SLC5A11: variants seen among roughly 807,000 people sequenced by gnomAD.
SLC5A11 encodes the protein solute carrier family 5 member 11, also known as sodium/myo-inositol cotransporter 2.
Under a neutral mutation model 69.8 loss-of-function variants are expected in SLC5A11, and 48 were observed. The ratio of observed to expected loss-of-function variants is 0.69; its 90% CI spans 0.55 to 0.87. The LOEUF is 0.87. Ranked by LOEUF, SLC5A11 falls within the 40% of genes least tolerant of loss-of-function variation. The pLI is 0.00. For synonymous variants in SLC5A11, 319 were observed against 342.4 expected (o/e 0.93, Z 0.75); for missense variants, 784 against 866.1 (o/e 0.91, Z 1.19).
intron 9 of SLC5A11, among the ~76,000 whole-genome samples, chr16:24,892,135 G>A (rs989666010): frequency 1.3e-5 from 2 of 151,916 alleles, no homozygotes; most frequent in African/African-American, 2.4e-5. Flanking sequence ...GCTGAGGTGG[G>A]AGGATTGCTG....
At chr16:24,849,503 G>T (rs1057088628) in intron 1 of SLC5A11, among the ~76,000 whole-genome samples, 1 of 145,996 alleles carries the variant, frequency 6.8e-6, no homozygotes, top group Non-Finnish European at 1.5e-5. Context: ...GGAGGCAGAG[G>T]TTGCAGTGAG....
Position 24,862,673 on chromosome 16 carries a change from G to A in SLC5A11, c.207+1G>A. ...TGGAGGGGACATGGTGTGGTGGCCA[G>A]TAAGTGGTCTTTGGTTCAATTAAAG... On this transcript the variant is annotated splice_donor_variant, in intron 3 of 15. Coordinates refer to ENST00000347898, the Ensembl canonical transcript of SLC5A11. LOFTEE classifies it high-confidence loss of function. 1 of 1,613,042 alleles carries A rather than the reference G, an allele frequency of 6.2e-7. No homozygotes were observed. The highest frequency in any genetic ancestry group is 8.5e-7 in the Non-Finnish European group (1 of 1,179,444).
At chr16:24,907,997 C>A in exon 13 of SLC5A11, 1 of 1,614,096 alleles carries the variant, frequency 6.2e-7, no homozygotes, top group South Asian at 1.1e-5. Flanking sequence ...GGTCTCCATC[C>A]TCTGGATCCC....
intron 1 of SLC5A11, among the ~76,000 whole-genome samples, chr16:24,849,588 AAAAAAATATATAT>A (rs1162997101): frequency 1.0e-5 from 1 of 99,552 alleles, no homozygotes; most frequent in Non-Finnish European, 2.0e-5. Flanking sequence ...AAAAAAAAAA[AAAAAAATATATAT>A]ATATATATAT....
intron 10 of SLC5A11, 50 bp from the exon 12 acceptor site, chr16:24,906,607 G>GGCA (rs1322329123): frequency 5.4e-6 from 7 of 1,291,998 alleles, no homozygotes; most frequent in Non-Finnish European, 6.5e-6. Context: ...CCTGGGCCTG[G>GGCA]GGCTCTGGGG....
At chr16:24,872,024 G>A in intron 4 of SLC5A11, 136 bp from the exon 6 acceptor site, 1 of 970,386 alleles carries the variant, frequency 1.0e-6, no homozygotes, top group Non-Finnish European at 1.7e-6. Flanking sequence ...GGCCAGCACA[G>A]GTGAACCACT....
At chr16:24,891,041 C>T (rs200548569) in exon 9 of SLC5A11, 64 of 1,614,046 alleles carry the variant, frequency 4.0e-5, no homozygotes, top group Non-Finnish European at 5.1e-5. Flanking sequence ...TTGGAATGTC[C>T]ATCCCATCCC....
exon 9 of SLC5A11, chr16:24,890,909 G>A: frequency 6.2e-7 from 1 of 1,614,200 alleles, no homozygotes; most frequent in Non-Finnish European, 8.5e-7. Context: ...TGAAGGAGAA[G>A]TACTTCTTGG....
chr16:24,875,044 G>T (rs1405335514), intron 5 of SLC5A11, among the ~76,000 whole-genome samples: 1 of 152,114 alleles, frequency 6.6e-6, no homozygotes, highest in African/African-American at 2.4e-5. Flanking sequence ...TAGAGATGTT[G>T]CCCAGGCTGG....
intron 1 of SLC5A11, among the ~76,000 whole-genome samples, chr16:24,849,593 A>AAAAAAAAAAATATATATATATATATATAT: frequency 2.8e-5 from 1 of 35,922 alleles, no homozygotes; most frequent in Non-Finnish European, 5.6e-5. Flanking sequence ...AAAAAAAAAA[A>AAAAAAAAAAATATATATATATATATATAT]ATATATATAT....
intron 1 of SLC5A11, among the ~76,000 whole-genome samples, chr16:24,849,593 A>AAAAAAAAAAAAAAAAAAAAAAT: frequency 2.8e-5 from 1 of 35,922 alleles, no homozygotes; most frequent in Non-Finnish European, 5.6e-5. Context: ...AAAAAAAAAA[A>AAAAAAAAAAAAAAAAAAAAAAT]ATATATATAT....
intron 1 of SLC5A11, among the ~76,000 whole-genome samples, chr16:24,856,415 G>A (rs972433551): frequency 1.3e-5 from 2 of 151,900 alleles, no homozygotes; most frequent in African/African-American, 2.4e-5. Context: ...CTTGAGGCTG[G>A]AGTTCAAGGC....
At chr16:24,898,579 C>T (rs2049355359) in intron 10 of SLC5A11, among the ~76,000 whole-genome samples, 1 of 149,084 alleles carries the variant, frequency 6.7e-6, no homozygotes, top group Non-Finnish European at 1.5e-5. Flanking sequence ...AGTGCAGTGG[C>T]ACGATCTTGG....
At chr16:24,897,865 C>A in intron 9 of SLC5A11, 109 bp from the exon 11 acceptor site, 1 of 1,440,540 alleles carries the variant, frequency 6.9e-7, no homozygotes, top group Non-Finnish European at 9.5e-7. Flanking sequence ...TGACTCCCTC[C>A]CACAACATGT....
At chr16:24,884,115 C>T (rs775074754) in exon 8 of SLC5A11, 53 of 1,613,974 alleles carry the variant, frequency 3.3e-5, no homozygotes, top group South Asian at 1.3e-4. Context: ...TAGGAGCGCT[C>T]ACCTTGATGG....
intron 1 of SLC5A11, among the ~76,000 whole-genome samples, chr16:24,852,032 C>A (rs1359715683): frequency 1.3e-5 from 2 of 149,118 alleles, no homozygotes; most frequent in Non-Finnish European, 3.0e-5. Context: ...CCTGCCACCC[C>A]CTCTAATGTG....
intron 10 of SLC5A11, among the ~76,000 whole-genome samples, chr16:24,901,962 A>ACGCGCG (rs1445975305): frequency 1.6e-5 from 2 of 125,614 alleles, no homozygotes; most frequent in Admixed American, 7.7e-5. Flanking sequence ...ACACACGCAC[A>ACGCGCG]CACACACACA....
At chr16:24,900,338 A>G (rs1470333175) in intron 10 of SLC5A11, among the ~76,000 whole-genome samples, 1 of 152,212 alleles carries the variant, frequency 6.6e-6, no homozygotes, top group Non-Finnish European at 1.5e-5. Context: ...AGTGGTTTGT[A>G]GTTGGCTCAG....
chr16:24,868,825 C>G (rs1415304344), intron 3 of SLC5A11, among the ~76,000 whole-genome samples: 1 of 151,530 alleles, frequency 6.6e-6, no homozygotes, highest in Non-Finnish European at 1.5e-5. Flanking sequence ...CTTCCTCCTC[C>G]TCCTCTTTTT....
Sources: allele counts gnomAD v4.1 joint callset (sites outside exome capture counted in the v4.1 genomes callset), GRCh38; gene constraint gnomAD v4.1.1; transcripts MANE v1.5; gene names NCBI Gene and HGNC (gene_info 2026-07-23, HGNC 2026-07-21).